AVEN: variants seen among roughly 807,000 people sequenced by gnomAD.
AVEN encodes apoptosis and caspase activation inhibitor, also known as cell death regulator Aven.
Under a neutral mutation model 38.1 loss-of-function variants are expected in AVEN, and 41 were observed. The observed-to-expected ratio is 1.08, with a 90% CI of 0.84 to 1.40. AVEN has a LOEUF of 1.40. Among genes scored for constraint, AVEN ranks in the 40% most tolerant of loss-of-function variants. The pLI, the probability that AVEN is intolerant of heterozygous loss-of-function variation, is 0.00. For synonymous variants in AVEN, 206 were observed against 171.8 expected, an observed-to-expected ratio of 1.20 and a Z score of -1.56; for missense variants, 605 against 438.8, an observed-to-expected ratio of 1.38 and a Z score of -3.38.
rs776096451 is a variant in AVEN, at chr15:33,867,714, G to A, written c.754C>T (p.Pro252Ser). Residue 252 changes from proline to serine, a missense_variant, in exon 5 of 6, where the codon CCT becomes TCT. Physicochemically the swap from Pro to Ser is moderately conservative, Grantham distance 74. Transcript: ENST00000306730. ...FELKSVAAGCPVLLGKDNPSP... is the reference protein window; with the variant it reads ...FELKSVAAGCSVLLGKDNPSP... ...GGGTTGTCTTTGCCCAGCAACACAG[G>A]GCAGCCAGCAGCCACAGATTTCAGC... The A allele has an allele frequency of 6.2e-7, 1 of 1,614,130 alleles. No homozygotes were observed. The highest frequency in any genetic ancestry group is 2.2e-5 in the East Asian group (1 of 44,870).
At position 34,013,366 on chromosome 15, in the gene AVEN, G is replaced by A. The variant is rs115994132; in HGVS notation, c.268-10157C>T. 9.9e-3 allele frequency among the ~76,000 whole-genome samples: 1,507 copies of A among 152,250 alleles called. 35 individuals carry two copies. Among genetic ancestry groups the A allele is most frequent in the African/African-American group, 0.035 (1,439 of 41,536 alleles). On this transcript the variant is annotated intron_variant, in intron 1 of 5. Transcript: ENST00000306730. The stretch of plus-strand genomic sequence containing the variant: ...TGTGAGCCACTGGGCCTGGCCAAAT[G>A]TTTTAAATAAAATGAAAATAAAAAC...
chr15:33,992,289 C>T (rs1358010931), intron 2 of AVEN, among the ~76,000 whole-genome samples: 4 of 152,066 alleles, frequency 2.6e-5, no homozygotes, highest in Non-Finnish European at 5.9e-5. Flanking sequence ...ACTCGGGAGG[C>T]TGAGGGAGGA....
At chr15:34,046,161 T>C (rs1375561910) in intron 5 of AVEN, among the ~76,000 whole-genome samples, 3 of 152,184 alleles carry the variant, frequency 2.0e-5, no homozygotes, top group Non-Finnish European at 4.4e-5. Context: ...ATCAATGATT[T>C]AAGAAGTTTA....
intron 2 of AVEN, among the ~76,000 whole-genome samples, chr15:33,877,931 A>G (rs766389345): frequency 6.6e-6 from 1 of 152,222 alleles, no homozygotes; most frequent in Non-Finnish European, 1.5e-5. Flanking sequence ...CTTGGGCATC[A>G]GAGCAAGTCT....
At chr15:33,876,780 C>T (rs1332031100) in intron 2 of AVEN, among the ~76,000 whole-genome samples, 3 of 151,986 alleles carry the variant, frequency 2.0e-5, no homozygotes, top group Non-Finnish European at 4.4e-5. Context: ...TTATAAATAT[C>T]AATGTAACAC....
chr15:33,992,224 A>C (rs1248507391), intron 2 of AVEN, among the ~76,000 whole-genome samples: 1 of 152,076 alleles, frequency 6.6e-6, no homozygotes, highest in Non-Finnish European at 1.5e-5. Flanking sequence ...CGTCTCTACT[A>C]AAAAAATACA....
chr15:34,062,847 A>G, intron 5 of AVEN: 1 of 1,614,230 alleles, frequency 6.2e-7, no homozygotes, highest in Non-Finnish European at 8.5e-7. Flanking sequence ...AAGCCTGATC[A>G]CCATTGTGGG....
upstream of AVEN, among the ~76,000 whole-genome samples, chr15:34,075,181 C>CAAA (rs58860397): frequency 4.2e-3 from 282 of 67,100 alleles, 7 homozygotes; most frequent in African/African-American, 6.8e-3. Flanking sequence ...GACTCTGGCT[C>CAAA]AAAAAAAAAA....
intron 2 of AVEN, among the ~76,000 whole-genome samples, chr15:33,973,671 A>ATC (rs1392780578): frequency 2.6e-5 from 4 of 152,204 alleles, no homozygotes; most frequent in Non-Finnish European, 5.9e-5. Context: ...GCAAGACTCC[A>ATC]TCTCTATAAA....
intron 2 of AVEN, among the ~76,000 whole-genome samples, chr15:33,995,229 A>C (rs2140587755): frequency 6.6e-6 from 1 of 152,278 alleles, no homozygotes; most frequent in South Asian, 2.1e-4. Flanking sequence ...ATGCCACTGC[A>C]CTCCAGCCTG....
At chr15:33,902,008 T>C (rs685894) in intron 2 of AVEN, among the ~76,000 whole-genome samples, 117,665 of 152,106 alleles carry the variant, frequency 0.77, 48,831 homozygotes, top group East Asian at 0.97. Context: ...TTGTTTGTTT[T>C]GCTGTGCAGA....
Position 33,866,295 on chromosome 15 carries a change from A to C in AVEN, c.*318T>G. ...GTTTGCATCTATTCTCTTAATCAGC[A>C]GCAGCATCTGCTATGCTGTAAACAC... On this transcript the variant is annotated 3_prime_UTR_variant, in exon 6 of 6. Transcript: ENST00000306730. The C allele has an allele frequency of 3.3e-6, 1 of 299,472 alleles. No homozygotes were observed. Among genetic ancestry groups the C allele is most frequent in the Admixed American group, 4.6e-5 (1 of 21,648 alleles). The allele number at this position is 299,472 out of a possible 1,614,324, so 18.6% of individuals were successfully genotyped here. A position where few individuals can be genotyped will look rare whatever the true frequency, so the allele number is the denominator to read the frequency against.
chr15:33,934,545 C>T (rs1014352551), intron 2 of AVEN, among the ~76,000 whole-genome samples: 3 of 152,178 alleles, frequency 2.0e-5, no homozygotes, highest in Non-Finnish European at 2.9e-5. Context: ...CTGAGCCACA[C>T]AAACATAAGG....
intron 3 of AVEN, among the ~76,000 whole-genome samples, chr15:33,875,052 C>T (rs1199295679): frequency 2.0e-5 from 3 of 152,180 alleles, no homozygotes; most frequent in East Asian, 3.8e-4. Flanking sequence ...AAGAGACTCC[C>T]CTCCTCGTAA....
chr15:33,865,649 A>G, downstream of AVEN: 1 of 156,650 alleles, frequency 6.4e-6, no homozygotes, highest in Non-Finnish European at 1.4e-5. Context: ...CTCACTCCAA[A>G]AGATAATAAC....
At chr15:33,944,702 G>A (rs530484564) in intron 2 of AVEN, among the ~76,000 whole-genome samples, 10 of 152,026 alleles carry the variant, frequency 6.6e-5, no homozygotes, top group Middle Eastern at 3.4e-3. Flanking sequence ...CCAGCTACTC[G>A]GGAGGCTGAG....
In AVEN at chr15:34,034,577, T is replaced by C. The variant is rs1011988001; in HGVS notation, c.267+4203A>G. 5.9e-5 allele frequency among the ~76,000 whole-genome samples: 9 copies of C among 152,336 alleles called. No individual in the cohort carries two copies. The South Asian group carries it at 1.2e-3, about 21-fold the overall frequency. ...CTGATCCATTGATAAAAATGTTAGA[T>C]ATAAACTTTAAAGTACATTGTACAT... On this transcript the variant is annotated intron_variant, in intron 1 of 5. Transcript: ENST00000306730.
intron 5 of AVEN, among the ~76,000 whole-genome samples, chr15:34,053,315 A>ATAT (rs1288903070): frequency 1.2e-3 from 109 of 87,244 alleles, no homozygotes; most frequent in South Asian, 2.0e-3. Flanking sequence ...AAAAAAAAAA[A>ATAT]AAAAATATAT....
At chr15:33,946,166 C>T (rs898110943) in intron 2 of AVEN, among the ~76,000 whole-genome samples, 1 of 152,080 alleles carries the variant, frequency 6.6e-6, no homozygotes, top group African/African-American at 2.4e-5. Context: ...CCCAAATACT[C>T]AAATAAGTAT....
Sources: gnomAD v4.1 joint callset for allele counts (sites outside exome capture counted in the v4.1 genomes callset) on GRCh38, gnomAD v4.1.1 for gene constraint, MANE v1.5 for transcripts, NCBI Gene and HGNC (gene_info 2026-07-23, HGNC 2026-07-21) for gene names.